TENM3: variants seen among roughly 807,000 people sequenced by gnomAD.
TENM3 encodes teneurin transmembrane protein 3.
A neutral mutation model predicts 255.1 loss-of-function variants in TENM3; 63 were observed. That is an observed-to-expected ratio of 0.25 (90% CI 0.20 to 0.30). TENM3 has a LOEUF of 0.30. TENM3 is among the 10% of genes least tolerant of loss of function. The pLI is 1.00. For missense variants in TENM3, 2,929 were observed against 3,461.1 expected (o/e 0.85, Z 3.86); for synonymous variants, 1,306 against 1,322.3 (o/e 0.99, Z 0.27).
At chr4:182,225,108 G>A (rs940700807) in intron 1 of TENM3, among the ~76,000 whole-genome samples, 2 of 152,026 alleles carry the variant, frequency 1.3e-5, no homozygotes, top group African/African-American at 4.8e-5. Context: ...TTCATCAGAA[G>A]GTGGTGTTGA....
chr4:181,498,196 A>T, the TENM3 span, among the ~76,000 whole-genome samples: 1 of 152,240 alleles, frequency 6.6e-6, no homozygotes, highest in African/African-American at 2.4e-5. Flanking sequence ...CCCTAAAAAA[A>T]GATAACCACA....
intron 7 of TENM3, 39 bp downstream of exon 7, chr4:182,673,258 C>T: frequency 2.1e-6 from 3 of 1,397,188 alleles, no homozygotes; most frequent in Non-Finnish European, 3.0e-6. Flanking sequence ...TAAAAACTGC[C>T]AGTTGCATTT....
chr4:181,791,244 G>A, the TENM3 span, among the ~76,000 whole-genome samples: 1 of 152,038 alleles, frequency 6.6e-6, no homozygotes, highest in Admixed American at 6.6e-5. Context: ...TTTGTGGGGG[G>A]TATTTATTGT....
chr4:181,923,407 C>T, the TENM3 span, among the ~76,000 whole-genome samples: 4 of 152,128 alleles, frequency 2.6e-5, no homozygotes, highest in Non-Finnish European at 4.4e-5. Flanking sequence ...TCTGGGGACA[C>T]ATTAAACTGT....
chr4:182,728,886 A>C, intron 13 of TENM3, 79 bp from the exon 14 acceptor site: 2 of 1,051,188 alleles, frequency 1.9e-6, no homozygotes, highest in South Asian at 1.5e-5. Flanking sequence ...AAAAAAAAAA[A>C]CAGTCAAGAA....
At chr4:182,404,805 A>T (rs13130326) in intron 3 of TENM3, among the ~76,000 whole-genome samples, 75,543 of 152,078 alleles carry the variant, frequency 0.5, 19,165 homozygotes, top group South Asian at 0.59. Context: ...TGATTAGAAT[A>T]TACAGCTCCT....
chr4:182,113,025 A>G, the TENM3 span, among the ~76,000 whole-genome samples: 4 of 152,326 alleles, frequency 2.6e-5, no homozygotes, highest in East Asian at 7.7e-4. Flanking sequence ...AGATTATAAA[A>G]TGTATCAAGA....
the TENM3 span, among the ~76,000 whole-genome samples, chr4:181,849,986 CAGAG>C: frequency 6.8e-6 from 1 of 148,104 alleles, no homozygotes; most frequent in Admixed American, 6.7e-5. Context: ...CACACACACA[CAGAG>C]TCTTCCTCCA....
intron 3 of TENM3, among the ~76,000 whole-genome samples, chr4:182,508,558 T>C (rs1459726690): frequency 6.6e-6 from 1 of 152,236 alleles, no homozygotes; most frequent in Non-Finnish European, 1.5e-5. Context: ...TACTCTTAGA[T>C]ATCACATAGG....
intron 3 of TENM3, among the ~76,000 whole-genome samples, chr4:182,447,889 AAAGG>A (rs1422472763): frequency 1.3e-5 from 2 of 152,208 alleles, no homozygotes; most frequent in Non-Finnish European, 2.9e-5. Flanking sequence ...AAGAAAAATT[AAAGG>A]AAGGACGTTG....
the TENM3 span, chr4:181,820,282 C>T: frequency 3.3e-5 from 5 of 152,024 alleles, no homozygotes; most frequent in African/African-American, 4.8e-5. Context: ...AGAACAATTC[C>T]GCTTTGTTTT....
rs182962417 is a variant in TENM3 at position 182,654,246 on chromosome 4, C to T, written c.1111+353C>T. Reference sequence around the variant, plus strand: ...TATTAGGTTTTCTTCATTCAACTTGCGTGTGGAGTTGGAACACTGTATTAA... The same window carrying T: ...TATTAGGTTTTCTTCATTCAACTTGTGTGTGGAGTTGGAACACTGTATTAA... On this transcript the variant is annotated intron_variant, in intron 6 of 27. Transcript: ENST00000511685. 3.3e-5 allele frequency among the ~76,000 whole-genome samples: 5 copies of T among 152,136 alleles called. No homozygotes were observed. In the East Asian group the frequency reaches 7.7e-4, roughly 23 times the overall value.
the TENM3 span, among the ~76,000 whole-genome samples, chr4:181,570,202 C>T: frequency 1.3e-5 from 2 of 151,802 alleles, no homozygotes; most frequent in Admixed American, 6.6e-5. Flanking sequence ...CCCGCCACCG[C>T]GCCCGGCTAA....
intron 1 of TENM3, among the ~76,000 whole-genome samples, chr4:182,259,431 C>G (rs183860470): frequency 6.6e-6 from 1 of 152,250 alleles, no homozygotes; most frequent in Non-Finnish European, 1.5e-5. Flanking sequence ...CCCACCTCAG[C>G]CTCCCACGTA....
chr4:181,965,032 T>C, the TENM3 span, among the ~76,000 whole-genome samples: 1 of 152,300 alleles, frequency 6.6e-6, no homozygotes, highest in South Asian at 2.1e-4. Flanking sequence ...AACTTGAAAG[T>C]AAATTTCTGA....
chr4:182,506,909 G>A (rs989200311), intron 3 of TENM3, among the ~76,000 whole-genome samples: 2 of 152,168 alleles, frequency 1.3e-5, no homozygotes, highest in Non-Finnish European at 2.9e-5. Flanking sequence ...TATCCTGATA[G>A]TAGTGAATAT....
At chr4:182,486,315 T>A (rs866445218) in intron 3 of TENM3, among the ~76,000 whole-genome samples, 1 of 111,338 alleles carries the variant, frequency 9.0e-6, no homozygotes, top group South Asian at 3.2e-4. Flanking sequence ...TAATTGTGTG[T>A]GGGGGGGAGG....
chr4:182,666,556 A>G (rs957722946), intron 6 of TENM3, among the ~76,000 whole-genome samples: 3 of 152,322 alleles, frequency 2.0e-5, no homozygotes, highest in Admixed American at 6.5e-5. Flanking sequence ...GATCGGTAGC[A>G]TTTTTTAGCA....
chr4:181,932,144 C>T, the TENM3 span, among the ~76,000 whole-genome samples: 1 of 152,114 alleles, frequency 6.6e-6, no homozygotes, highest in African/African-American at 2.4e-5. Flanking sequence ...AAAGCAATGG[C>T]AACAAAAGCC....
Sources: gnomAD v4.1 joint callset for allele counts (sites outside exome capture counted in the v4.1 genomes callset) on GRCh38, gnomAD v4.1.1 for gene constraint, MANE v1.5 for transcripts, NCBI Gene and HGNC (gene_info 2026-07-23, HGNC 2026-07-21) for gene names.